The following HS6ST2 variants were observed in gnomAD, a reference collection of about 807,000 sequenced individuals.
HS6ST2 encodes the protein heparan sulfate 6-O-sulfotransferase 2, also known as heparan-sulfate 6-O-sulfotransferase 2.
A neutral mutation model predicts 33.0 loss-of-function variants in HS6ST2; 17 were observed. The observed-to-expected ratio is 0.52, with a 90% CI of 0.35 to 0.77. The LOEUF (loss-of-function observed/expected upper bound fraction) is 0.77, where lower values mean the gene tolerates loss of function less well. Among genes scored for constraint, HS6ST2 ranks in the 30% least tolerant of loss-of-function variants. The pLI is 0.01. For missense variants in HS6ST2, 519 were observed against 551.7 expected, an observed-to-expected ratio of 0.94 and a Z score of 0.59; for synonymous variants, 248 against 237.1, an observed-to-expected ratio of 1.05 and a Z score of -0.42.
chrX:132,647,204 T>A (rs753801060), intron 4 of HS6ST2, among the ~76,000 whole-genome samples: 57 of 111,406 alleles, frequency 5.1e-4, no homozygotes, highest in African/African-American at 1.7e-3. Context: ...TCATGCTGTG[T>A]GCATCCCCTC....
intron 2 of HS6ST2, among the ~76,000 whole-genome samples, chrX:132,787,167 G>GTT: frequency 1.9e-5 from 1 of 51,359 alleles, no homozygotes; most frequent in South Asian, 8.9e-4. Context: ...ATATATATAT[G>GTT]TATATATATA....
intron 2 of HS6ST2, among the ~76,000 whole-genome samples, chrX:132,929,951 G>A (rs899517984): frequency 7.2e-5 from 8 of 111,163 alleles, no homozygotes; most frequent in African/African-American, 2.6e-4. Flanking sequence ...AGGATAAGCA[G>A]ACGGAGATTG....
intron 2 of HS6ST2, among the ~76,000 whole-genome samples, chrX:132,827,623 C>T (rs1203581489): frequency 9.0e-6 from 1 of 111,441 alleles, no homozygotes; most frequent in Non-Finnish European, 1.9e-5. Flanking sequence ...ACCTCATAAA[C>T]TTATTGCAAA....
chrX:132,690,447 T>C (rs2064054341), intron 3 of HS6ST2, among the ~76,000 whole-genome samples: 1 of 112,207 alleles, frequency 8.9e-6, no homozygotes, highest in Non-Finnish European at 1.9e-5. Flanking sequence ...ACATTAGCTG[T>C]TTATCCCAGA....
chrX:132,680,509 G>A, intron 3 of HS6ST2, among the ~76,000 whole-genome samples: 1 of 111,529 alleles, frequency 9.0e-6, no homozygotes, highest in Non-Finnish European at 1.9e-5. Context: ...GGGAGTCTAT[G>A]GTAGTTCAAA....
intron 4 of HS6ST2, among the ~76,000 whole-genome samples, chrX:132,629,924 A>T (rs1239042544): frequency 8.9e-6 from 1 of 112,470 alleles, no homozygotes; most frequent in Non-Finnish European, 1.9e-5. Context: ...TATCTACTAA[A>T]AGGGCACGTG....
At chrX:132,797,172 G>A (rs969494952) in intron 2 of HS6ST2, among the ~76,000 whole-genome samples, 3 of 111,567 alleles carry the variant, frequency 2.7e-5, no homozygotes, top group Non-Finnish European at 5.6e-5. Context: ...GCCCACAGGT[G>A]CTAAAAAGAC....
At chrX:132,791,819 A>T (rs1449772603) in intron 2 of HS6ST2, among the ~76,000 whole-genome samples, 1 of 110,442 alleles carries the variant, frequency 9.1e-6, no homozygotes, top group Non-Finnish European at 1.9e-5. Context: ...ACAAAAAAAA[A>T]AAAAAATCAA....
intron 2 of HS6ST2, among the ~76,000 whole-genome samples, chrX:132,811,737 T>C (rs2065348496): frequency 1.1e-5 from 1 of 87,198 alleles, no homozygotes; most frequent in East Asian, 4.0e-4. Flanking sequence ...ACATTTTGTT[T>C]GTACAGTCTT....
chrX:132,905,996 A>G (rs2066471204), intron 2 of HS6ST2, among the ~76,000 whole-genome samples: 1 of 111,478 alleles, frequency 9.0e-6, no homozygotes, highest in Admixed American at 9.5e-5. Flanking sequence ...ACTGCATTCC[A>G]GCCTGGGTGA....
chrX:132,942,325 T>C (rs2066895531), intron 2 of HS6ST2, among the ~76,000 whole-genome samples: 1 of 112,060 alleles, frequency 8.9e-6, no homozygotes. Context: ...CTCTGGTTGT[T>C]TTTTTATGGT....
intron 2 of HS6ST2, among the ~76,000 whole-genome samples, chrX:132,893,946 C>T (rs930385916): frequency 9.0e-6 from 1 of 110,926 alleles, no homozygotes; most frequent in Non-Finnish European, 1.9e-5. Flanking sequence ...CCAGAGCTCA[C>T]TAATTATCTG....
At chrX:132,753,552 G>A (rs759399478) in intron 2 of HS6ST2, among the ~76,000 whole-genome samples, 145 of 112,189 alleles carry the variant, frequency 1.3e-3, no homozygotes, top group Non-Finnish European at 2.2e-3. Flanking sequence ...ACCATGTAAG[G>A]TGTGACTTTG....
At chrX:132,694,054 C>T (rs1334785277) in intron 3 of HS6ST2, among the ~76,000 whole-genome samples, 1 of 112,205 alleles carries the variant, frequency 8.9e-6, no homozygotes, top group Admixed American at 9.5e-5. Context: ...AAATAAGACT[C>T]GTGCCCTCAT....
At position 132,812,615 on chromosome X, in the gene HS6ST2, C is replaced by T. The variant is rs774829589; in HGVS notation, c.948-104121G>A. Among the ~76,000 whole-genome samples, 4 of 106,635 alleles carry T rather than the reference C, an allele frequency of 3.8e-5. No homozygotes were observed. The South Asian group carries it at 1.7e-3, about 46-fold the overall frequency. 92.6% of individuals were successfully genotyped at this position (106,635 alleles called of 115,157 possible). A position where few individuals can be genotyped will look rare whatever the true frequency, so the allele number is the denominator to read the frequency against. ...GGGAGAAATTATTCAAGCCCTTCTCCCACATTTAAATAAAGTAGGTTTTTG... is the reference window on the plus strand; with the variant it reads ...GGGAGAAATTATTCAAGCCCTTCTCTCACATTTAAATAAAGTAGGTTTTTG... On this transcript the variant is annotated intron_variant, in intron 2 of 4. Transcript: ENST00000370833.
chrX:132,820,092 C>T (rs2065436375), intron 2 of HS6ST2, among the ~76,000 whole-genome samples: 1 of 111,836 alleles, frequency 8.9e-6, no homozygotes. Context: ...GCAAGGGTGG[C>T]TCTTCCTGCT....
At chrX:132,763,170 A>G (rs2064817794) in intron 2 of HS6ST2, among the ~76,000 whole-genome samples, 1 of 112,032 alleles carries the variant, frequency 8.9e-6, no homozygotes, top group Non-Finnish European at 1.9e-5. Flanking sequence ...ACCGGACTAG[A>G]AGCCATGGGT....
At chrX:132,850,393 CAG>C (rs1569496964) in intron 2 of HS6ST2, among the ~76,000 whole-genome samples, 1 of 111,278 alleles carries the variant, frequency 9.0e-6, no homozygotes, top group Non-Finnish European at 1.9e-5. Flanking sequence ...TTCTAAGAAG[CAG>C]AGAGTCAGAA....
chrX:132,858,583 C>G lies in HS6ST2; in HGVS notation c.947+98225G>C, dbSNP rs753234422. 7.2e-5 allele frequency among the ~76,000 whole-genome samples: 8 copies of G among 111,334 alleles called. No homozygotes were observed. In the East Asian group the frequency reaches 2.3e-3, roughly 31 times the overall value. Reference sequence around the variant, plus strand: ...GGTATGTGATGGCACCTATCCATCTCGGGGAAGTTGAGAGTCTTAATGTGG... The same window carrying G: ...GGTATGTGATGGCACCTATCCATCTGGGGGAAGTTGAGAGTCTTAATGTGG... On this transcript the variant is annotated intron_variant, in intron 2 of 4. Transcript: ENST00000370833.
Sources: allele counts gnomAD v4.1 joint callset (sites outside exome capture counted in the v4.1 genomes callset), GRCh38; gene constraint gnomAD v4.1.1; transcripts MANE v1.5; gene names NCBI Gene and HGNC (gene_info 2026-07-23, HGNC 2026-07-21).